RINT1: variants seen among roughly 807,000 people sequenced by gnomAD.
The protein encoded by RINT1 is RAD50-interacting protein 1.
In RINT1, 75 loss-of-function variants were observed where a neutral mutation model predicts 97.7. The ratio of observed to expected loss-of-function variants is 0.77; its 90% confidence interval spans 0.64 to 0.93. RINT1 has a LOEUF of 0.93. Among genes scored for constraint, RINT1 ranks in the 40% least tolerant of loss-of-function variants. The pLI, the probability that RINT1 is intolerant of heterozygous loss-of-function variation, is 0.00. For synonymous variants in RINT1, 303 were observed against 326.3 expected (o/e 0.93, Z 0.77); for missense variants, 892 against 925.2 (o/e 0.96, Z 0.47).
At chr7:105,550,510 G>T (rs773840166) in intron 9 of RINT1, 24 bp downstream of exon 9, 3 of 1,520,918 alleles carry the variant, frequency 2.0e-6, no homozygotes, top group Non-Finnish European at 2.7e-6. Context: ...TGGCCAGATG[G>T]TAGGGAGATA....
chr7:105,547,381 A>G, intron 6 of RINT1, 48 bp downstream of exon 6: 1 of 1,594,544 alleles, frequency 6.3e-7, no homozygotes, highest in Non-Finnish European at 8.6e-7. Flanking sequence ...TTTTTCTAGA[A>G]TGGGTTTGTG....
chr7:105,560,181 A>AAAG (rs758865358), intron 11 of RINT1, among the ~76,000 whole-genome samples: 2 of 152,178 alleles, frequency 1.3e-5, no homozygotes, highest in Non-Finnish European at 2.9e-5. Flanking sequence ...TGCAATCTCA[A>AAAG]AAGAAGAGTG....
At position 105,537,847 on chromosome 7, in the gene RINT1, ATT is replaced by A. The variant is rs1314634688; in HGVS notation, c.273+1100_273+1101del. Among the ~76,000 whole-genome samples the A allele has an allele frequency of 2.6e-5, 4 of 151,832 alleles. No homozygotes were observed. The South Asian group carries it at 6.2e-4, about 24-fold the overall frequency. ...GTGACACTCCGTCTCAAAAATATATATTTCTATGTATTTATAGGTTTTTTTTT... is the reference window on the plus strand; with the variant it reads ...GTGACACTCCGTCTCAAAAATATATATCTATGTATTTATAGGTTTTTTTTT... On this transcript the variant is annotated intron_variant, in intron 3 of 14. Transcript: ENST00000257700.
chr7:105,551,350 T>G (rs1790916319), intron 9 of RINT1, among the ~76,000 whole-genome samples: 1 of 152,182 alleles, frequency 6.6e-6, no homozygotes, highest in Admixed American at 6.5e-5. Flanking sequence ...TATTTTTTAC[T>G]GTAGCTTATC....
At position 105,551,643 on chromosome 7, in the gene RINT1, C is replaced by G. The variant is rs536496735; in HGVS notation, c.1407C>G (p.Asp469Glu). Residue 469 changes from aspartate (D) to glutamate (E), a missense_variant, in exon 10 of 15, where the codon GAC becomes GAG. By Grantham distance (45) the Asp-to-Glu change is conservative (BLOSUM62 2). Coordinates refer to ENST00000257700, the MANE Select transcript of RINT1 (RefSeq NM_021930.6). ...TATCGCAATATAAGGATATCACTGA[C>G]GTGGATGAAATGAAAGTTCCAGATT... ...AWVSQYKDIT[D>E]VDEMKVPDCA... 1.9e-6 allele frequency: 3 copies of G among 1,611,960 alleles called. No homozygotes were observed. The highest frequency in any genetic ancestry group is 1.1e-5 in the South Asian group (1 of 90,706).
At chr7:105,555,981 T>TAA (rs1554364980) in intron 11 of RINT1, among the ~76,000 whole-genome samples, 3 of 151,792 alleles carry the variant, frequency 2.0e-5, no homozygotes, top group African/African-American at 7.3e-5. Flanking sequence ...AATAAGAAAC[T>TAA]AACATTTCAT....
chr7:105,562,277 A>G (rs904064736), intron 11 of RINT1, among the ~76,000 whole-genome samples: 2 of 151,994 alleles, frequency 1.3e-5, no homozygotes, highest in African/African-American at 4.8e-5. Context: ...CTGAGATGAG[A>G]TCTCGTTCTT....
intron 3 of RINT1, 148 bp downstream of exon 3, chr7:105,536,897 A>G (rs1790259122): frequency 2.5e-6 from 1 of 392,294 alleles, no homozygotes; most frequent in African/African-American, 2.1e-5. Flanking sequence ...AAGAACGTAC[A>G]TTGTATTACC....
intron 11 of RINT1, among the ~76,000 whole-genome samples, chr7:105,560,151 C>T (rs1791375863): frequency 6.6e-6 from 1 of 152,150 alleles, no homozygotes; most frequent in African/African-American, 2.4e-5. Context: ...ACAGGTGGTT[C>T]CAGGCTCACA....
chr7:105,541,900 T>G (rs1461938959), intron 3 of RINT1: 2 of 152,906 alleles, frequency 1.3e-5, no homozygotes, highest in East Asian at 3.9e-4. Flanking sequence ...TATGTATGTA[T>G]GCATATATTT....
At position 105,546,928 on chromosome 7, in the gene RINT1, T is replaced by C. The variant is rs773161760; in HGVS notation, c.534T>C (p.Tyr178=). The change falls in exon 5 of 15, where the codon TAT becomes TAC. Residue 178 remains tyrosine (Y), a synonymous_variant. Coordinates refer to ENST00000257700, the MANE Select transcript of RINT1 (RefSeq NM_021930.6). ...IEELSDNIQQ[Y]LMTNNVPEAA... ...TTTACAGTGATAACATTCAGCAATA[T>C]CTGATGACCAATAATGTACCGGAGG... 4 of 1,603,114 alleles carry C rather than the reference T, an allele frequency of 2.5e-6. No individual in the cohort carries two copies. In the South Asian group the frequency reaches 4.5e-5, roughly 18 times the overall value.
chr7:105,542,709 G>T, intron 4 of RINT1, 60 bp downstream of exon 4: 1 of 1,520,306 alleles, frequency 6.6e-7, no homozygotes. Context: ...CTGTCTTAGA[G>T]AGTACATGTG....
intron 4 of RINT1, among the ~76,000 whole-genome samples, chr7:105,545,152 C>T (rs994509391): frequency 6.6e-6 from 1 of 152,018 alleles, no homozygotes; most frequent in Non-Finnish European, 1.5e-5. Context: ...TTCATTCCTT[C>T]CTTAAAAGCA....
At chr7:105,546,870 G>A in intron 4 of RINT1, 40 bp from the exon 5 acceptor site, 1 of 1,487,494 alleles carries the variant, frequency 6.7e-7, no homozygotes, top group African/African-American at 1.4e-5. Flanking sequence ...GTGAGACTCT[G>A]TCTCAAAAGA....
At chr7:105,561,557 C>A (rs1357723999) in intron 11 of RINT1, among the ~76,000 whole-genome samples, 1 of 152,026 alleles carries the variant, frequency 6.6e-6, no homozygotes, top group Non-Finnish European at 1.5e-5. Flanking sequence ...TAGATAGTGT[C>A]ATTTTTTTGT....
At chr7:105,539,706 C>G (rs893927345) in intron 3 of RINT1, among the ~76,000 whole-genome samples, 2 of 152,108 alleles carry the variant, frequency 1.3e-5, no homozygotes, top group Admixed American at 6.6e-5. Flanking sequence ...TTAGTTTAGG[C>G]AGATTGGGAG....
At chr7:105,553,823 C>G (rs1171749628) in intron 10 of RINT1, among the ~76,000 whole-genome samples, 2 of 150,470 alleles carry the variant, frequency 1.3e-5, no homozygotes, top group Non-Finnish European at 3.0e-5. Flanking sequence ...TGGGTTCACA[C>G]CATTCTCCTA....
At chr7:105,564,495 A>C (rs1218455791) in intron 12 of RINT1, among the ~76,000 whole-genome samples, 1 of 152,124 alleles carries the variant, frequency 6.6e-6, no homozygotes, top group African/African-American at 2.4e-5. Context: ...CCATTTTGCA[A>C]AGTAAAGTGC....
At chr7:105,546,013 C>T (rs1049711684) in intron 4 of RINT1, among the ~76,000 whole-genome samples, 7 of 63,076 alleles carry the variant, frequency 1.1e-4, no homozygotes, top group African/African-American at 3.7e-4. Context: ...GAAGGGGGGG[C>T]GGGGGGCGTT....
Sources: allele counts gnomAD v4.1 joint callset (sites outside exome capture counted in the v4.1 genomes callset), GRCh38; gene constraint gnomAD v4.1.1; transcripts MANE v1.5; gene names NCBI Gene and HGNC (gene_info 2026-07-23, HGNC 2026-07-21).